Variants in ARHGAP5 observed in about 807,000 individuals in gnomAD.
The protein encoded by ARHGAP5 is Rho GTPase activating protein 5.
A neutral mutation model predicts 116.6 loss-of-function variants in ARHGAP5; 23 were observed. That is an observed-to-expected ratio of 0.20 (90% CI 0.14 to 0.28). The LOEUF (loss-of-function observed/expected upper bound fraction) is 0.28. Among genes scored for constraint, ARHGAP5 ranks in the 10% least tolerant of loss-of-function variants. ARHGAP5 has a pLI of 1.00. For synonymous variants in ARHGAP5, 574 were observed against 602.0 expected (o/e 0.95, Z 0.68); for missense variants, 1,405 against 1,774.8 (o/e 0.79, Z 3.74).
At chr14:32,152,937 C>G (rs1202014714) in intron 6 of ARHGAP5, among the ~76,000 whole-genome samples, 1 of 152,062 alleles carries the variant, frequency 6.6e-6, no homozygotes, top group African/African-American at 2.4e-5. Flanking sequence ...AACAACACTT[C>G]ACAAAGTTGT....
At chr14:32,097,780 T>C (rs975858853) in intron 2 of ARHGAP5, among the ~76,000 whole-genome samples, 1 of 152,194 alleles carries the variant, frequency 6.6e-6, no homozygotes, top group East Asian at 1.9e-4. Flanking sequence ...CAAAATAGTT[T>C]GATATAAGAT....
Position 32,117,195 on chromosome 14 carries a change from A to G in ARHGAP5, c.3773A>G (p.Asn1258Ser), listed in dbSNP as rs1879647902. ...NPPTRRNWESNYFGMPLQDLV... is the reference protein window; with the variant it reads ...NPPTRRNWESSYFGMPLQDLV... The stretch of plus-strand genomic sequence containing the variant: ...CCAACACGTAGAAATTGGGAAAGTA[A>G]TTACTTTGGGATGCCCCTCCAGGAT... The change falls in exon 3 of 7, where the codon AAT becomes AGT. Residue 1258 changes from asparagine to serine, a missense_variant. By Grantham distance (46) the Asn-to-Ser change is conservative. Transcript: ENST00000345122. The G allele has an allele frequency of 6.2e-7, 1 of 1,612,504 alleles. No homozygotes were observed. The highest frequency in any genetic ancestry group is 8.5e-7 in the Non-Finnish European group (1 of 1,179,128).
intron 2 of ARHGAP5, among the ~76,000 whole-genome samples, chr14:32,101,383 T>C (rs1878781259): frequency 6.6e-6 from 1 of 152,222 alleles, no homozygotes; most frequent in African/African-American, 2.4e-5. Context: ...CATGCCATTA[T>C]ATTAATATAG....
At chr14:32,078,746 G>A (rs1457261008) in intron 1 of ARHGAP5, among the ~76,000 whole-genome samples, 1 of 152,080 alleles carries the variant, frequency 6.6e-6, no homozygotes, top group Non-Finnish European at 1.5e-5. Context: ...ACTTAAAATG[G>A]TTCTCCTAAC....
In ARHGAP5 at chr14:32,156,610, A is replaced by G. The variant is rs1881903370; in HGVS notation, c.*1662A>G. The G allele has an allele frequency of 6.6e-6, 1 of 152,374 alleles. No homozygotes were observed. Among genetic ancestry groups the G allele is most frequent in the Non-Finnish European group, 1.5e-5 (1 of 67,812 alleles). The allele number at this position is 152,374 out of a possible 1,614,324, so 9.4% of individuals were successfully genotyped here. A position where few individuals can be genotyped will look rare whatever the true frequency, so the allele number is the denominator to read the frequency against. On this transcript the variant is annotated 3_prime_UTR_variant, in exon 7 of 7. Coordinates refer to ENST00000345122, the MANE Select transcript of ARHGAP5 (RefSeq NM_001030055.2). ...TATTCCTATTGCAAAGCACACAGGA[A>G]TTAAGAAAGTACAGTAATTTTTAAA... is the stretch of plus-strand genomic sequence containing the variant.
At chr14:32,134,370 T>C (rs1321470747) in intron 3 of ARHGAP5, among the ~76,000 whole-genome samples, 1 of 152,176 alleles carries the variant, frequency 6.6e-6, no homozygotes, top group Non-Finnish European at 1.5e-5. Context: ...TTTGATAAAT[T>C]GAGAAAAGAA....
intron 3 of ARHGAP5, among the ~76,000 whole-genome samples, chr14:32,128,856 T>A (rs1880331011): frequency 6.6e-6 from 1 of 152,234 alleles, no homozygotes; most frequent in African/African-American, 2.4e-5. Flanking sequence ...CTGGCTTTAA[T>A]GTCAGGATGC....
intron 2 of ARHGAP5, among the ~76,000 whole-genome samples, chr14:32,101,388 AT>A (rs1442108686): frequency 6.6e-6 from 1 of 152,322 alleles, no homozygotes; most frequent in South Asian, 2.1e-4. Context: ...CATTATATTA[AT>A]ATAGTAAATC....
chr14:32,103,209 G>A (rs910546200), intron 2 of ARHGAP5, among the ~76,000 whole-genome samples: 2 of 152,166 alleles, frequency 1.3e-5, no homozygotes, highest in Non-Finnish European at 2.9e-5. Context: ...TAACATAAGT[G>A]TGGATATGTA....
At chr14:32,102,213 G>A (rs1450261115) in intron 2 of ARHGAP5, among the ~76,000 whole-genome samples, 3 of 152,230 alleles carry the variant, frequency 2.0e-5, no homozygotes, top group African/African-American at 4.8e-5. Flanking sequence ...AGGGGAGAAA[G>A]TGAGAGTCAC....
At chr14:32,150,119 A>G (rs938560192) in intron 5 of ARHGAP5, 86 bp downstream of exon 5, 3 of 1,078,204 alleles carry the variant, frequency 2.8e-6, no homozygotes, top group South Asian at 2.5e-5. Context: ...ATCATGTACT[A>G]GAATATGTAG....
chr14:32,128,927 T>C (rs899065355), intron 3 of ARHGAP5, among the ~76,000 whole-genome samples: 3 of 152,242 alleles, frequency 2.0e-5, no homozygotes, highest in African/African-American at 7.2e-5. Context: ...TTAATGACTG[T>C]GTTCCCTGGT....
At chr14:32,145,590 A>G (rs1881335693) in intron 3 of ARHGAP5, among the ~76,000 whole-genome samples, 1 of 152,114 alleles carries the variant, frequency 6.6e-6, no homozygotes, top group South Asian at 2.1e-4. Flanking sequence ...CTGCCCCCTC[A>G]AAAATCAGGG....
chr14:32,091,338 TGTA>T lies in ARHGAP5; in HGVS notation c.672_674del (p.Val225del), dbSNP rs1317822147. 6.2e-7 allele frequency: 1 copy of T among 1,613,434 alleles called. No homozygotes were observed. The highest frequency in any genetic ancestry group is 1.3e-5 in the African/African-American group (1 of 74,906). Reference sequence around the variant, plus strand: ...TTGCTTCAAATAAAAAGAACCTTCTTGTAGTGGAAACATCAGCACGATTTAATG... The same window carrying T: ...TTGCTTCAAATAAAAAGAACCTTCTTGTGGAAACATCAGCACGATTTAATG... On this transcript the variant is annotated inframe_deletion, in exon 2 of 7. Transcript: ENST00000345122.
At chr14:32,084,374 G>T (rs191973080) in intron 1 of ARHGAP5, among the ~76,000 whole-genome samples, 2 of 151,974 alleles carry the variant, frequency 1.3e-5, no homozygotes, top group African/African-American at 4.8e-5. Context: ...TTATAGTCCT[G>T]GGGAAAAAAA....
At chr14:32,143,236 GTTGTTATTA>G (rs1029131653) in intron 3 of ARHGAP5, among the ~76,000 whole-genome samples, 10 of 143,566 alleles carry the variant, frequency 7.0e-5, no homozygotes, top group Non-Finnish European at 9.0e-5. Flanking sequence ...TGTTGTTGTT[GTTGTTATTA>G]TTATTATTAT....
rs1451639618 is a variant in ARHGAP5 at position 32,155,947 on chromosome 14, A to G, written c.*999A>G. The stretch of plus-strand genomic sequence containing the variant: ...TAATTTGTTCCTTGAATCTATTTTT[A>G]TGTGGCCCTTAAAAAATATCCAAAA... On this transcript the variant is annotated 3_prime_UTR_variant, in exon 7 of 7. Coordinates refer to ENST00000345122, the MANE Select transcript of ARHGAP5 (RefSeq NM_001030055.2). 1 of 152,502 alleles carries G rather than the reference A, an allele frequency of 6.6e-6. No homozygotes were observed. The highest frequency in any genetic ancestry group is 6.5e-5 in the Admixed American group (1 of 15,272). The allele number at this position is 152,502 out of a possible 1,614,324, so 9.4% of individuals were successfully genotyped here. A position where few individuals can be genotyped will look rare whatever the true frequency, so the allele number is the denominator to read the frequency against.
intron 6 of ARHGAP5, among the ~76,000 whole-genome samples, chr14:32,153,054 T>A (rs949077361): frequency 6.6e-6 from 1 of 150,722 alleles, no homozygotes; most frequent in Non-Finnish European, 1.5e-5. Context: ...TTTTTTTGTT[T>A]TTTTTTTTTT....
chr14:32,124,340 A>G (rs528717206), intron 3 of ARHGAP5, among the ~76,000 whole-genome samples: 8 of 152,218 alleles, frequency 5.3e-5, no homozygotes, highest in South Asian at 2.1e-4. Context: ...TGGGAGGGCA[A>G]TTTCCACAGC....
Sources: gnomAD v4.1 joint callset for allele counts (sites outside exome capture counted in the v4.1 genomes callset) on GRCh38, gnomAD v4.1.1 for gene constraint, MANE v1.5 for transcripts, NCBI Gene and HGNC (gene_info 2026-07-23, HGNC 2026-07-21) for gene names.